The following ATF7 variants were observed in gnomAD, a reference collection of about 807,000 sequenced individuals.
ATF7 encodes cyclic AMP-dependent transcription factor ATF-7.
ATF7 carries 10 observed loss-of-function variants against 50.4 expected under a neutral mutation model. That is an observed-to-expected ratio of 0.20 (90% CI 0.12 to 0.34). ATF7 has a LOEUF of 0.34. ATF7 is among the 10% of genes least tolerant of loss of function. The probability of loss-of-function intolerance (pLI) is 1.00; values close to 1 mark genes in which losing one functional copy is unlikely to be tolerated. For synonymous variants in ATF7, 201 were observed against 226.4 expected, an observed-to-expected ratio of 0.89 and a Z score of 1.01; for missense variants, 465 against 613.9, an observed-to-expected ratio of 0.76 and a Z score of 2.56.
Position 53,515,833 on chromosome 12 carries a change from G to T in ATF7, c.*1304C>A, listed in dbSNP as rs1937668154. 6.6e-6 allele frequency: 1 copy of T among 152,364 alleles called. No individual in the cohort carries two copies. Among genetic ancestry groups the T allele is most frequent in the South Asian group, 2.1e-4 (1 of 4,830 alleles). 9.4% of individuals were successfully genotyped at this position (152,364 alleles called of 1,614,324 possible). A position where few individuals can be genotyped will look rare whatever the true frequency, so the allele number is the denominator to read the frequency against. ...CACTGCATGTAAAGAGAAGAGAGAA[G>T]AAATGGGTTGAAGAAACTCTGGAGG... On this transcript the variant is annotated 3_prime_UTR_variant, in exon 12 of 12. Coordinates refer to ENST00000420353, the MANE Select transcript of ATF7 (RefSeq NM_006856.3).
chr12:53,537,345 C>A, intron 5 of ATF7, 70 bp downstream of exon 5: 1 of 1,579,184 alleles, frequency 6.3e-7, no homozygotes. Flanking sequence ...TTAGGACATA[C>A]TATTTATATA....
At position 53,554,862 on chromosome 12, in the gene ATF7, C is replaced by CA. The variant is rs1246514106; in HGVS notation, c.49-2226dup. Reference sequence around the variant, plus strand: ...TGGGTGACAGAGGAAGACCTTGTCTCAAAAAAAGAAAAAAAAAAAAAAAAA... The same window carrying CA: ...TGGGTGACAGAGGAAGACCTTGTCTCAAAAAAAAGAAAAAAAAAAAAAAAAA... On this transcript the variant is annotated intron_variant, in intron 2 of 11. Transcript: ENST00000420353. Among the ~76,000 whole-genome samples, 86 of 10,820 alleles carry CA rather than the reference C, an allele frequency of 7.9e-3. 1 individual carries two copies. In the East Asian group the frequency reaches 0.33, roughly 42 times the overall value. 7.1% of individuals were successfully genotyped at this position (10,820 alleles called of 152,430 possible).
Position 53,607,481 on chromosome 12 carries a change from T to C in ATF7, c.-21-6460A>G, listed in dbSNP as rs150209155. Among the ~76,000 whole-genome samples, 238 of 152,304 alleles carry C rather than the reference T, an allele frequency of 1.6e-3. 2 individuals carry two copies. The East Asian group carries it at 0.028, about 18-fold the overall frequency. On this transcript the variant is annotated intron_variant, in intron 1 of 11. Transcript: ENST00000420353. ...TAAAACCAGACATGTGGACCATTTT[T>C]GCATTGAGCGTTTAACCACAGTCAT... is the stretch of plus-strand genomic sequence containing the variant.
chr12:53,593,619 GGTTA>G (rs1565986671), intron 2 of ATF7, among the ~76,000 whole-genome samples: 1 of 152,156 alleles, frequency 6.6e-6, no homozygotes, highest in African/African-American at 2.4e-5. Flanking sequence ...CACTGTATGT[GGTTA>G]GTAATGGCGC....
chr12:53,608,613 C>G (rs1177174080), intron 1 of ATF7, among the ~76,000 whole-genome samples: 4 of 152,116 alleles, frequency 2.6e-5, no homozygotes, highest in African/African-American at 9.7e-5. Flanking sequence ...TTAGCAGGTA[C>G]CGAATACCTT....
chr12:53,535,337 AAAAAAAAAG>A (rs1939156305), intron 5 of ATF7, among the ~76,000 whole-genome samples: 1 of 151,752 alleles, frequency 6.6e-6, no homozygotes, highest in Non-Finnish European at 1.5e-5. Flanking sequence ...TCAAAAAAAA[AAAAAAAAAG>A]AAAAGGGAGG....
intron 1 of ATF7, among the ~76,000 whole-genome samples, chr12:53,609,476 A>G (rs1159920693): frequency 1.3e-5 from 2 of 151,564 alleles, no homozygotes; most frequent in Non-Finnish European, 2.9e-5. Context: ...TTCTTAAAAA[A>G]AAAAAAAAAA....
At chr12:53,520,112 T>C (rs1192843230) in intron 11 of ATF7, among the ~76,000 whole-genome samples, 1 of 152,230 alleles carries the variant, frequency 6.6e-6, no homozygotes, top group African/African-American at 2.4e-5. Flanking sequence ...CATTTGGCTC[T>C]GTAGCTGGTT....
Position 53,533,161 on chromosome 12 carries a change from G to A in ATF7, c.659C>T (p.Ser220Leu), listed in dbSNP as rs372435342. 1 of 1,610,282 alleles carries A rather than the reference G, an allele frequency of 6.2e-7. No homozygotes were observed. The change falls in exon 7 of 12, where the codon TCG becomes TTG. Residue 220 changes from serine to leucine, a missense_variant and splice_region_variant. Transcript: ENST00000420353. ...GGCTGCCCCAACTACAGAGCTCACC[G>A]ATATAACAGACGGCATCTGTACTGG... The part of the protein sequence containing the change: ...GPPVQMPSVI[S>L]LARPVSMVPN...
At chr12:53,617,532 G>A (rs1944193819) in intron 1 of ATF7, among the ~76,000 whole-genome samples, 1 of 152,156 alleles carries the variant, frequency 6.6e-6, no homozygotes, top group Admixed American at 6.6e-5. Flanking sequence ...GGGAGGCTGA[G>A]GCAGAAGAAT....
intron 2 of ATF7, among the ~76,000 whole-genome samples, chr12:53,569,973 G>A (rs928213823): frequency 1.1e-4 from 16 of 152,038 alleles, no homozygotes; most frequent in African/African-American, 3.6e-4. Flanking sequence ...CACCGCGCCT[G>A]GCCATTCAAA....
chr12:53,523,912 C>T (rs890561355), intron 10 of ATF7, among the ~76,000 whole-genome samples: 2 of 152,002 alleles, frequency 1.3e-5, no homozygotes, highest in African/African-American at 2.4e-5. Context: ...AAGCACACAA[C>T]CCCTCCAGCC....
intron 1 of ATF7, among the ~76,000 whole-genome samples, chr12:53,613,421 T>C (rs1480219629): frequency 2.6e-5 from 4 of 152,200 alleles, no homozygotes; most frequent in Non-Finnish European, 5.9e-5. Context: ...TAAAGTAAAT[T>C]AATAAATATT....
At chr12:53,540,988 C>T (rs1180223182) in intron 4 of ATF7, among the ~76,000 whole-genome samples, 1 of 152,124 alleles carries the variant, frequency 6.6e-6, no homozygotes, top group Admixed American at 6.5e-5. Context: ...GTGTGGCCTC[C>T]CTAAGCACTG....
intron 2 of ATF7, among the ~76,000 whole-genome samples, chr12:53,586,969 T>G: frequency 6.6e-6 from 1 of 152,130 alleles, no homozygotes; most frequent in Middle Eastern, 3.2e-3. Context: ...CTTGACTTCG[T>G]GGTAAGAGGT....
At chr12:53,585,986 T>C (rs892237221) in intron 2 of ATF7, among the ~76,000 whole-genome samples, 2 of 152,236 alleles carry the variant, frequency 1.3e-5, no homozygotes, top group Admixed American at 6.5e-5. Context: ...AGAGCAGCTA[T>C]GTATGTGAAT....
At chr12:53,583,208 A>G (rs1033524779) in intron 2 of ATF7, among the ~76,000 whole-genome samples, 60 of 152,278 alleles carry the variant, frequency 3.9e-4, no homozygotes, top group African/African-American at 1.3e-3. Flanking sequence ...GTGAAGCTTC[A>G]TCTGTATTTA....
In ATF7 at chr12:53,524,932, A is replaced by G; in HGVS notation, c.928-171T>C. 4.9e-6 allele frequency: 3 copies of G among 613,696 alleles called. No individual in the cohort carries two copies. The highest frequency in any genetic ancestry group is 8.1e-6 in the Non-Finnish European group (3 of 371,154). 38.0% of individuals were successfully genotyped at this position (613,696 alleles called of 1,614,324 possible). ...AGCTTCCCTTTTGTAGGAGTCCTCAATTTTGCCTCCTATTTCCTTCCAGTC... is the reference window on the plus strand; with the variant it reads ...AGCTTCCCTTTTGTAGGAGTCCTCAGTTTTGCCTCCTATTTCCTTCCAGTC... On this transcript the variant is annotated intron_variant, in intron 9 of 11. Coordinates refer to ENST00000420353, the MANE Select transcript of ATF7 (RefSeq NM_006856.3). This position sits in a 1 kb window ranked among gnomAD's most constrained non-coding sequence, Gnocchi z 4.6.
At chr12:53,577,231 GGCAACATAGTGACA>G (rs1311912355) in intron 2 of ATF7, among the ~76,000 whole-genome samples, 1 of 151,920 alleles carries the variant, frequency 6.6e-6, no homozygotes, top group African/African-American at 2.4e-5. Context: ...GACCAGCCTA[GGCAACATAGTGACA>G]TAGTAAGACA....
Sources: gnomAD v4.1 joint callset for allele counts (sites outside exome capture counted in the v4.1 genomes callset) on GRCh38, gnomAD v4.1.1 for gene constraint, Gnocchi (gnomAD v3.1) non-coding constraint, MANE v1.5 for transcripts, NCBI Gene and HGNC (gene_info 2026-07-23, HGNC 2026-07-21) for gene names.